Variants in FASTKD1 observed in about 807,000 individuals in gnomAD.
FASTKD1 encodes FAST kinase domains 1, also known as FAST kinase domain-containing protein 1, mitochondrial.
In FASTKD1, 94 loss-of-function variants were observed where a neutral mutation model predicts 90.9. That is an observed-to-expected ratio of 1.03 (90% confidence interval 0.88 to 1.23). The LOEUF is 1.23. FASTKD1 is among the 50% of genes most tolerant of loss of function. The probability of loss-of-function intolerance (pLI) is 0.00; values close to 1 mark genes in which losing one functional copy is unlikely to be tolerated. For missense variants in FASTKD1, 945 were observed against 993.5 expected (o/e 0.95, Z 0.66); for synonymous variants, 319 against 345.8 (o/e 0.92, Z 0.86).
chr2:169,546,528 T>C lies in FASTKD1; in HGVS notation c.1391A>G (p.His464Arg), dbSNP rs879920899. ...FATSVLRWIQ[H>R]DHMYLDNMTA... ...CATATTATCCAAATACATGTGATCA[T>C]GCTGAATCCATCTTAAAACAGATGT... The change falls in exon 8 of 15, where the codon CAT becomes CGT. Residue 464 changes from histidine to arginine, a missense_variant. Coordinates refer to ENST00000453153, the MANE Select transcript of FASTKD1 (RefSeq NM_024622.6). 3 of 1,614,166 alleles carry C rather than the reference T, an allele frequency of 1.9e-6. No individual in the cohort carries two copies. The highest frequency in any genetic ancestry group is 2.5e-6 in the Non-Finnish European group (3 of 1,180,028).
intron 5 of FASTKD1, among the ~76,000 whole-genome samples, chr2:169,559,390 T>C (rs1683480230): frequency 6.6e-6 from 1 of 152,230 alleles, no homozygotes. Context: ...CTACTAATCA[T>C]ACTTATGTGT....
At chr2:169,544,644 A>G in intron 9 of FASTKD1, 77 bp downstream of exon 9, 1 of 795,818 alleles carries the variant, frequency 1.3e-6, no homozygotes, top group South Asian at 1.5e-5. Context: ...CCTTTAAATG[A>G]GGGACATCTC....
chr2:169,557,961 C>T (rs1442582992), intron 5 of FASTKD1, among the ~76,000 whole-genome samples: 1 of 152,204 alleles, frequency 6.6e-6, no homozygotes, highest in Non-Finnish European at 1.5e-5. Flanking sequence ...ATCCTTTCCA[C>T]CAACCTTTTC....
intron 10 of FASTKD1, among the ~76,000 whole-genome samples, chr2:169,539,589 G>A (rs1182721430): frequency 3.3e-5 from 5 of 151,884 alleles, no homozygotes; most frequent in Non-Finnish European, 5.9e-5. Flanking sequence ...GCAATACAGT[G>A]AGATCCCAGC....
At chr2:169,570,399 T>G (rs1684179990) in intron 2 of FASTKD1, among the ~76,000 whole-genome samples, 1 of 152,160 alleles carries the variant, frequency 6.6e-6, no homozygotes, top group African/African-American at 2.4e-5. Context: ...TTTCTTAACA[T>G]TTATCTCTGA....
intron 6 of FASTKD1, among the ~76,000 whole-genome samples, chr2:169,555,851 G>GT (rs1468955519): frequency 2.0e-5 from 3 of 152,132 alleles, no homozygotes; most frequent in Non-Finnish European, 4.4e-5. Context: ...TGACTTCAAG[G>GT]TAACATTGTG....
At chr2:169,561,921 T>A (rs1683670224) in intron 4 of FASTKD1, among the ~76,000 whole-genome samples, 1 of 141,556 alleles carries the variant, frequency 7.1e-6, no homozygotes, top group African/African-American at 2.5e-5. Flanking sequence ...TTATTGTAAA[T>A]CAATTATTTG....
intron 13 of FASTKD1, 90 bp downstream of exon 13, chr2:169,531,262 T>C (rs1380351738): frequency 1.5e-6 from 2 of 1,339,662 alleles, no homozygotes; most frequent in Non-Finnish European, 2.1e-6. Flanking sequence ...CAGATTCCAC[T>C]ACCTTCAATC....
At chr2:169,534,856 CT>C (rs879485102) in intron 12 of FASTKD1, among the ~76,000 whole-genome samples, 401 of 144,142 alleles carry the variant, frequency 2.8e-3, no homozygotes, top group Middle Eastern at 3.6e-3. Flanking sequence ...ACCTTTTTGT[CT>C]TTTTTTTTTT....
rs373635758 is a variant in FASTKD1, at chr2:169,532,667, G to GA, written c.2189-1178dup. Among the ~76,000 whole-genome samples the GA allele has an allele frequency of 9.7e-4, 143 of 147,756 alleles. No homozygotes were observed. In the East Asian group the frequency reaches 0.014, roughly 15 times the overall value. On this transcript the variant is annotated intron_variant, in intron 12 of 14. Coordinates refer to ENST00000453153, the MANE Select transcript of FASTKD1 (RefSeq NM_024622.6). ...TGCAATTAGAAAAGTTCGAAATGTG[G>GA]AAAAAAAAAACTTATTCTCAAATTT...
chr2:169,559,983 T>C (rs1040553932), intron 5 of FASTKD1, among the ~76,000 whole-genome samples: 23 of 152,154 alleles, frequency 1.5e-4, no homozygotes, highest in Admixed American at 1.1e-3. Flanking sequence ...AATGCTTTGA[T>C]GATTATTGTG....
intron 10 of FASTKD1, among the ~76,000 whole-genome samples, chr2:169,539,663 G>C (rs905895080): frequency 2.6e-5 from 4 of 151,676 alleles, no homozygotes; most frequent in African/African-American, 9.7e-5. Flanking sequence ...TACTTGGAAG[G>C]CTGAGGTGGG....
chr2:169,550,514 T>C (rs1685442569), intron 7 of FASTKD1, among the ~76,000 whole-genome samples: 2 of 152,202 alleles, frequency 1.3e-5, no homozygotes, highest in African/African-American at 4.8e-5. Context: ...GGTCTCACTC[T>C]ATAGCCCAGG....
chr2:169,556,712 C>G (rs892764390), intron 6 of FASTKD1, among the ~76,000 whole-genome samples: 2 of 151,418 alleles, frequency 1.3e-5, no homozygotes, highest in African/African-American at 4.9e-5. Flanking sequence ...GTAATCCGGG[C>G]TACTCAGGAG....
intron 1 of FASTKD1, among the ~76,000 whole-genome samples, chr2:169,572,576 G>A (rs1398497205): frequency 6.6e-6 from 1 of 150,442 alleles, no homozygotes; most frequent in Non-Finnish European, 1.5e-5. Context: ...TTTTTCAGAA[G>A]TATGGTCTCA....
Position 169,560,793 on chromosome 2 carries a change from A to G in FASTKD1, c.573-8T>C. The G allele has an allele frequency of 1.3e-6, 2 of 1,504,252 alleles. No individual in the cohort carries two copies. The highest frequency in any genetic ancestry group is 2.4e-5 in the East Asian group (1 of 41,708). 93.2% of individuals were successfully genotyped at this position (1,504,252 alleles called of 1,614,324 possible). On this transcript the variant is annotated splice_region_variant and splice_polypyrimidine_tract_variant and intron_variant, in intron 4 of 14. Transcript: ENST00000453153. ...ATCAAGACAGACAAGGAACTGAAAA[A>G]GAAAAAAGATGCAAAGATTTTTACA... is the stretch of plus-strand genomic sequence containing the variant.
intron 5 of FASTKD1, among the ~76,000 whole-genome samples, chr2:169,559,654 G>A (rs1222754457): frequency 5.9e-5 from 9 of 152,170 alleles, no homozygotes; most frequent in Admixed American, 5.9e-4. Flanking sequence ...CTGGGATCCA[G>A]GGATCCACCT....
chr2:169,565,762 CCA>C (rs1415762007), intron 3 of FASTKD1, among the ~76,000 whole-genome samples: 1 of 152,168 alleles, frequency 6.6e-6, no homozygotes, highest in Admixed American at 6.5e-5. Context: ...GGGGGAACCT[CCA>C]AACTGTTCTC....
intron 3 of FASTKD1, among the ~76,000 whole-genome samples, chr2:169,568,813 A>G (rs1684109155): frequency 6.6e-6 from 1 of 151,856 alleles, no homozygotes; most frequent in African/African-American, 2.4e-5. Context: ...AGCCTGGCCA[A>G]GATGGTGAAA....
Sources: allele counts gnomAD v4.1 joint callset (sites outside exome capture counted in the v4.1 genomes callset), GRCh38; gene constraint gnomAD v4.1.1; transcripts MANE v1.5; gene names NCBI Gene and HGNC (gene_info 2026-07-23, HGNC 2026-07-21).